Variants in SNTG2 observed in about 807,000 individuals in gnomAD.
The protein encoded by SNTG2 is gamma-2-syntrophin.
In SNTG2, 74 loss-of-function variants were observed where a neutral mutation model predicts 70.9. That is an observed-to-expected ratio of 1.04 (90% CI 0.86 to 1.27). The LOEUF (loss-of-function observed/expected upper bound fraction) is 1.27, where lower values mean the gene tolerates loss of function less well. Among genes scored for constraint, SNTG2 ranks in the 50% most tolerant of loss-of-function variants. The pLI, the probability that SNTG2 is intolerant of heterozygous loss-of-function variation, is 0.00. For missense variants in SNTG2, 717 were observed against 690.7 expected, an observed-to-expected ratio of 1.04 and a Z score of -0.43; for synonymous variants, 278 against 273.8, an observed-to-expected ratio of 1.02 and a Z score of -0.15.
At chr2:1,054,277 C>CGAG (rs35010482) in intron 1 of SNTG2, among the ~76,000 whole-genome samples, 123,449 of 151,622 alleles carry the variant, frequency 0.81, 50,888 homozygotes, top group Middle Eastern at 0.91. Flanking sequence ...CGTTCCCACC[C>CGAG]AAGAGAGGCG....
intron 8 of SNTG2, among the ~76,000 whole-genome samples, chr2:1,198,451 C>T (rs1673065341): frequency 6.6e-6 from 1 of 151,028 alleles, no homozygotes; most frequent in African/African-American, 2.4e-5. Context: ...AAATAAGAGA[C>T]ACACATCGAA....
At chr2:973,446 T>C (rs1660808913) in intron 1 of SNTG2, among the ~76,000 whole-genome samples, 1 of 152,066 alleles carries the variant, frequency 6.6e-6, no homozygotes, top group Admixed American at 6.6e-5. Context: ...TTTTGTTTTG[T>C]TGAGTTTTTG....
chr2:1,137,543 C>G (rs972436329), intron 4 of SNTG2, 79 bp from the exon 5 acceptor site: 6 of 1,500,414 alleles, frequency 4.0e-6, no homozygotes, highest in Non-Finnish European at 5.5e-6. Context: ...ACTGCAAGCC[C>G]TGTGCTTAAA....
chr2:1,340,295 T>C (rs902169679), intron 16 of SNTG2, among the ~76,000 whole-genome samples: 5 of 152,208 alleles, frequency 3.3e-5, no homozygotes, highest in East Asian at 3.9e-4. Flanking sequence ...GAGGAGTCTA[T>C]GCAGACAGAG....
intron 4 of SNTG2, among the ~76,000 whole-genome samples, chr2:1,134,953 G>A (rs907740755): frequency 6.6e-6 from 1 of 152,200 alleles, no homozygotes; most frequent in Non-Finnish European, 1.5e-5. Flanking sequence ...ACCCTCCGCA[G>A]CCGCTGGCCA....
At chr2:1,131,458 A>G (rs1668008379) in intron 4 of SNTG2, among the ~76,000 whole-genome samples, 1 of 152,066 alleles carries the variant, frequency 6.6e-6, no homozygotes, top group Non-Finnish European at 1.5e-5. Flanking sequence ...CAGATTATGT[A>G]TTTTAGTGAT....
chr2:993,276 C>T (rs2147980002), intron 1 of SNTG2, among the ~76,000 whole-genome samples: 2 of 138,306 alleles, frequency 1.4e-5, no homozygotes, highest in African/African-American at 5.4e-5. Context: ...CTTCCTGTGT[C>T]CATGTGATCT....
chr2:1,198,402 G>A (rs930923751), intron 8 of SNTG2, among the ~76,000 whole-genome samples: 23 of 151,728 alleles, frequency 1.5e-4, no homozygotes, highest in African/African-American at 5.1e-4. Flanking sequence ...AAAACATATA[G>A]GATATAGCAA....
chr2:1,118,372 C>G (rs1249489804), intron 4 of SNTG2, among the ~76,000 whole-genome samples: 1 of 152,064 alleles, frequency 6.6e-6, no homozygotes, highest in Non-Finnish European at 1.5e-5. Flanking sequence ...CCATCATTGT[C>G]CTGAATTCCT....
In SNTG2 at chr2:1,124,265, T is replaced by G. The variant is rs573594004; in HGVS notation, c.326-13357T>G. Among the ~76,000 whole-genome samples the G allele has an allele frequency of 1.5e-3, 233 of 152,020 alleles. 1 individual carries two copies. Among genetic ancestry groups the G allele is most frequent in the Middle Eastern group, 3.4e-3 (1 of 294 alleles). On this transcript the variant is annotated intron_variant, in intron 4 of 16. Transcript: ENST00000308624. Reference sequence around the variant, plus strand: ...TGATTATAAATTGTCAATTACAATTTGAAAATATATAGGGTGGAATATTAC... The same window carrying G: ...TGATTATAAATTGTCAATTACAATTGGAAAATATATAGGGTGGAATATTAC...
At chr2:1,204,820 C>G (rs1673526200) in intron 8 of SNTG2, among the ~76,000 whole-genome samples, 1 of 152,136 alleles carries the variant, frequency 6.6e-6, no homozygotes, top group Non-Finnish European at 1.5e-5. Context: ...GTACTACGCA[C>G]AGTTTTCAGG....
chr2:1,237,436 A>AG (rs1356095761), intron 9 of SNTG2, among the ~76,000 whole-genome samples: 4 of 152,066 alleles, frequency 2.6e-5, no homozygotes, highest in Admixed American at 2.0e-4. Flanking sequence ...GAGCAGTGGA[A>AG]GGGGACTATG....
At chr2:1,091,682 G>A (rs1182012956) in intron 2 of SNTG2, among the ~76,000 whole-genome samples, 1 of 152,154 alleles carries the variant, frequency 6.6e-6, no homozygotes, top group African/African-American at 2.4e-5. Flanking sequence ...GGTGTGAGAA[G>A]CCAGATCCAA....
chr2:1,061,534 G>A (rs941813419), intron 1 of SNTG2, among the ~76,000 whole-genome samples: 3 of 152,204 alleles, frequency 2.0e-5, no homozygotes, highest in African/African-American at 4.8e-5. Flanking sequence ...AGTTTCCTAC[G>A]TTCAGAGTTT....
At chr2:1,064,477 AAAT>A (rs533002141) in intron 1 of SNTG2, among the ~76,000 whole-genome samples, 156 of 151,398 alleles carry the variant, frequency 1.0e-3, no homozygotes, top group Non-Finnish European at 1.7e-3. Context: ...ATATATATAA[AAAT>A]AAAGTACTAC....
At chr2:1,183,393 A>G (rs1672045629) in intron 8 of SNTG2, among the ~76,000 whole-genome samples, 1 of 152,120 alleles carries the variant, frequency 6.6e-6, no homozygotes, top group Non-Finnish European at 1.5e-5. Context: ...GGGTGATATG[A>G]TACGTGTATG....
At chr2:982,614 T>C (rs895769258) in intron 1 of SNTG2, among the ~76,000 whole-genome samples, 4 of 152,244 alleles carry the variant, frequency 2.6e-5, no homozygotes, top group African/African-American at 9.6e-5. Flanking sequence ...ACTAATACCA[T>C]GAACACCCTT....
intron 12 of SNTG2, among the ~76,000 whole-genome samples, chr2:1,253,695 A>G (rs766436754): frequency 6.6e-6 from 1 of 152,174 alleles, no homozygotes; most frequent in Non-Finnish European, 1.5e-5. Context: ...CTCTAAAGAA[A>G]TGCCTGATAC....
chr2:1,209,504 A>G (rs1673896830), intron 9 of SNTG2, among the ~76,000 whole-genome samples: 2 of 152,230 alleles, frequency 1.3e-5, no homozygotes, highest in African/African-American at 4.8e-5. Flanking sequence ...AGTAAAAGAA[A>G]TTCTATTTTT....
Sources: gnomAD v4.1 joint callset for allele counts (sites outside exome capture counted in the v4.1 genomes callset) on GRCh38, gnomAD v4.1.1 for gene constraint, MANE v1.5 for transcripts, NCBI Gene and HGNC (gene_info 2026-07-23, HGNC 2026-07-21) for gene names.